Variants in PCDHB13 observed in about 807,000 individuals in gnomAD.
PCDHB13 encodes protocadherin beta 13.
For missense variants in PCDHB13, 1,065 were observed against 1,016.7 expected, an observed-to-expected ratio of 1.05 and a Z score of -0.65; for synonymous variants, 515 against 450.7, an observed-to-expected ratio of 1.14 and a Z score of -1.81.
rs1472565449 is a variant in PCDHB13 at position 141,214,155 on chromosome 5, A to G, written c.32A>G (p.Gln11Arg). The change falls in exon 1 of 1, where the codon CAA becomes CGA. Residue 11 changes from glutamine (Q) to arginine (R), a missense_variant. By Grantham distance (43) the Gln-to-Arg change is conservative. Coordinates refer to ENST00000341948, the MANE Select transcript of PCDHB13 (RefSeq NM_018933.4). The part of the protein sequence containing the change: MEASGKLICR[Q>R]RQVLFSFLLL... ...GCCAGCGGGAAGCTCATTTGCAGAC[A>G]AAGGCAAGTCCTTTTTTCCTTTCTC... The G allele has an allele frequency of 3.1e-6, 5 of 1,613,864 alleles. No individual in the cohort carries two copies. Among genetic ancestry groups the G allele is most frequent in the Admixed American group, 3.3e-5 (2 of 59,988 alleles).
At position 141,215,556 on chromosome 5, in the gene PCDHB13, G is replaced by A. The variant is rs868934710; in HGVS notation, c.1433G>A (p.Arg478Lys). Reference sequence around the variant, plus strand: ...ATCCGCAGCGTCAGCGCTACAGACAGAGACTCAGGCACCAACGCCCAGGTC... The same window carrying A: ...ATCCGCAGCGTCAGCGCTACAGACAAAGACTCAGGCACCAACGCCCAGGTC... ...LHIRSVSATDRDSGTNAQVTY... is the reference protein window; with the variant it reads ...LHIRSVSATDKDSGTNAQVTY... The change falls in exon 1 of 1, where the codon AGA becomes AAA. Residue 478 changes from arginine (R) to lysine (K), a missense_variant. Arg to Lys is a conservative substitution (Grantham distance 26). Transcript: ENST00000341948. The A allele has an allele frequency of 6.2e-7, 1 of 1,613,734 alleles. No individual in the cohort carries two copies.
chr5:141,218,914 C>A lies in PCDHB13; in HGVS notation c.*2394C>A, dbSNP rs1423860017. On this transcript the variant is annotated 3_prime_UTR_variant, in exon 1 of 1. Transcript: ENST00000341948. ...GTGGAGTGGGAAAGAGTAGTTCAAACAACTCAGACAGAAAATCTCGCTGGT... is the reference window on the plus strand; with the variant it reads ...GTGGAGTGGGAAAGAGTAGTTCAAAAAACTCAGACAGAAAATCTCGCTGGT... 1 of 166,956 alleles carries A rather than the reference C, an allele frequency of 6.0e-6. No individual in the cohort carries two copies. Among genetic ancestry groups the A allele is most frequent in the Non-Finnish European group, 1.5e-5 (1 of 68,156 alleles). The allele number at this position is 166,956 out of a possible 1,614,324, so 10.3% of individuals were successfully genotyped here. A position where few individuals can be genotyped will look rare whatever the true frequency, so the allele number is the denominator to read the frequency against.
chr5:141,216,503 G>T lies in PCDHB13; in HGVS notation c.2380G>T (p.Gly794Trp). The change falls in exon 1 of 1, where the codon GGG becomes TGG. Residue 794 changes from glycine (G) to tryptophan (W), a missense_variant. Coordinates refer to ENST00000341948, the MANE Select transcript of PCDHB13 (RefSeq NM_018933.4). ...QGNSTFPNNF[G>W]FNIQ The stretch of plus-strand genomic sequence containing the variant: ...AAATTCTACCTTCCCCAATAACTTT[G>T]GGTTCAATATTCAGTGACCATAGTT... 2 of 1,613,584 alleles carry T rather than the reference G, an allele frequency of 1.2e-6. No homozygotes were observed. Among genetic ancestry groups the T allele is most frequent in the South Asian group, 2.2e-5 (2 of 90,962 alleles).
rs1436861697 is a variant in PCDHB13 at position 141,218,500 on chromosome 5, G to A, written c.*1980G>A. 4 of 155,146 alleles carry A rather than the reference G, an allele frequency of 2.6e-5. No homozygotes were observed. Among genetic ancestry groups the A allele is most frequent in the Non-Finnish European group, 5.9e-5 (4 of 68,136 alleles). 9.6% of individuals were successfully genotyped at this position (155,146 alleles called of 1,614,324 possible). A position where few individuals can be genotyped will look rare whatever the true frequency, so the allele number is the denominator to read the frequency against. ...GTCACCTAGGCTGGAGTGCAGTGGT[G>A]CAATCATAGCTCACTGAAGCCTTGA... On this transcript the variant is annotated 3_prime_UTR_variant, in exon 1 of 1. Coordinates refer to ENST00000341948, the MANE Select transcript of PCDHB13 (RefSeq NM_018933.4).
At position 141,214,859 on chromosome 5, in the gene PCDHB13, C is replaced by A; in HGVS notation, c.736C>A (p.Pro246Thr). ...CGATAATGCCCCTGAATTTGAGCAGCCTTTCTATAGAGTGCAGATCTCTGA... is the reference window on the plus strand; with the variant it reads ...CGATAATGCCCCTGAATTTGAGCAGACTTTCTATAGAGTGCAGATCTCTGA... ...VNDNAPEFEQ[P>T]FYRVQISEDS... The change falls in exon 1 of 1, where the codon CCT (proline) becomes ACT (threonine). Residue 246 changes from proline (P) to threonine (T), a missense_variant. By Grantham distance (38) the Pro-to-Thr change is conservative. Transcript: ENST00000341948. The A allele has an allele frequency of 1.2e-6, 2 of 1,614,180 alleles. No homozygotes were observed. The highest frequency in any genetic ancestry group is 1.3e-5 in the African/African-American group (1 of 75,044).
At position 141,216,155 on chromosome 5, in the gene PCDHB13, C is replaced by A; in HGVS notation, c.2032C>A (p.Pro678Thr). Residue 678 changes from proline (P) to threonine (T), a missense_variant, in exon 1 of 1, where the codon CCG (proline) becomes ACG (threonine). Coordinates refer to ENST00000341948, the MANE Select transcript of PCDHB13 (RefSeq NM_018933.4). ...QPYLPLPEAA[P>T]TQAQADLLTV... Reference sequence around the variant, plus strand: ...CTACCTGCCTCTCCCGGAGGCGGCCCCGACCCAGGCCCAGGCCGACTTGCT... The same window carrying A: ...CTACCTGCCTCTCCCGGAGGCGGCCACGACCCAGGCCCAGGCCGACTTGCT... 6.2e-7 allele frequency: 1 copy of A among 1,611,810 alleles called. No individual in the cohort carries two copies. The highest frequency in any genetic ancestry group is 8.5e-7 in the Non-Finnish European group (1 of 1,179,804).
chr5:141,218,420 G>A lies in PCDHB13; in HGVS notation c.*1900G>A, dbSNP rs1754661427. ...GGTTCTGTTGAGCTTTGTCAACTGA[G>A]TAATTATTCTTTTCTTTTTTCTTTC... On this transcript the variant is annotated 3_prime_UTR_variant, in exon 1 of 1. Coordinates refer to ENST00000341948, the MANE Select transcript of PCDHB13 (RefSeq NM_018933.4). The A allele has an allele frequency of 6.0e-6, 1 of 166,754 alleles. No homozygotes were observed. Among genetic ancestry groups the A allele is most frequent in the Admixed American group, 6.5e-5 (1 of 15,268 alleles). The allele number at this position is 166,754 out of a possible 1,614,324, so 10.3% of individuals were successfully genotyped here.
chr5:141,214,127 G>A lies in PCDHB13; in HGVS notation c.4G>A (p.Glu2Lys), dbSNP rs781835183. M[E>K]ASGKLICRQR... ...GAAGCTGAATCCAGCAAGAACAATG[G>A]AGGCCAGCGGGAAGCTCATTTGCAG... Residue 2 changes from glutamate to lysine, a missense_variant, in exon 1 of 1, where the codon GAG (glutamate) becomes AAG (lysine). By Grantham distance (56) the Glu-to-Lys change is moderately conservative. Coordinates refer to ENST00000341948, the MANE Select transcript of PCDHB13 (RefSeq NM_018933.4). 1.2e-6 allele frequency: 2 copies of A among 1,614,110 alleles called. No individual in the cohort carries two copies. Among genetic ancestry groups the A allele is most frequent in the Admixed American group, 1.7e-5 (1 of 60,016 alleles).
chr5:141,214,554 CAG>C lies in PCDHB13; in HGVS notation c.436_437del (p.Ser146GlnfsTer23), dbSNP rs1754535575. Reference sequence around the variant, plus strand: ...GACAAACAAATGTTGGTGAAAGTATCAGAGAGCAGTCCTCCTGGGACTACGTT... The same window carrying C: ...GACAAACAAATGTTGGTGAAAGTATCAGAGCAGTCCTCCTGGGACTACGTT... On this transcript the variant is annotated frameshift_variant, in exon 1 of 1. Coordinates refer to ENST00000341948, the MANE Select transcript of PCDHB13 (RefSeq NM_018933.4). LOFTEE classifies it low-confidence loss of function (END_TRUNC). 6.2e-7 allele frequency: 1 copy of C among 1,613,960 alleles called. No homozygotes were observed. The highest frequency in any genetic ancestry group is 1.7e-5 in the Admixed American group (1 of 60,000).
At position 141,215,408 on chromosome 5, in the gene PCDHB13, C is replaced by T. The variant is rs868963050; in HGVS notation, c.1285C>T (p.Pro429Ser). The T allele has an allele frequency of 6.2e-7, 1 of 1,614,162 alleles. No homozygotes were observed. The highest frequency in any genetic ancestry group is 8.5e-7 in the Non-Finnish European group (1 of 1,180,026). ...TATCACTGTCACTGACTTGGGGACC[C>T]CTATGCTGATAACACAGCTCAATAT... ...ITITVTDLGT[P>S]MLITQLNMTV... Residue 429 changes from proline to serine, a missense_variant, in exon 1 of 1, where the codon CCT becomes TCT. Transcript: ENST00000341948.
rs782708385 is a variant in PCDHB13, at chr5:141,216,286, G to T, written c.2163G>T (p.Ser721=). The part of the protein sequence containing the change: ...VRLCRRSRAA[S]VGRCLVPEGP... Reference sequence around the variant, plus strand: ...TGTGTAGGAGGAGCAGGGCGGCCTCGGTGGGTCGCTGCTTGGTGCCCGAGG... The same window carrying T: ...TGTGTAGGAGGAGCAGGGCGGCCTCTGTGGGTCGCTGCTTGGTGCCCGAGG... The change falls in exon 1 of 1, where the codon TCG becomes TCT. Residue 721 remains serine (S), a synonymous_variant. Transcript: ENST00000341948. 2.7e-5 allele frequency: 43 copies of T among 1,613,812 alleles called. No homozygotes were observed. The highest frequency in any genetic ancestry group is 3.6e-5 in the Non-Finnish European group (42 of 1,180,018).
rs1754609681 is a variant in PCDHB13 at position 141,216,268 on chromosome 5, G to C, written c.2145G>C (p.Arg715Ser). ...VLLFVAVRLCRRSRAASVGRC... is the reference protein window; with the variant it reads ...VLLFVAVRLCSRSRAASVGRC... Reference sequence around the variant, plus strand: ...TGTTCGTGGCGGTGCGGCTGTGTAGGAGGAGCAGGGCGGCCTCGGTGGGTC... The same window carrying C: ...TGTTCGTGGCGGTGCGGCTGTGTAGCAGGAGCAGGGCGGCCTCGGTGGGTC... The change falls in exon 1 of 1, where the codon AGG becomes AGC. Residue 715 changes from arginine (R) to serine (S), a missense_variant. Coordinates refer to ENST00000341948, the MANE Select transcript of PCDHB13 (RefSeq NM_018933.4). 1 of 1,613,766 alleles carries C rather than the reference G, an allele frequency of 6.2e-7. No individual in the cohort carries two copies.
Position 141,215,368 on chromosome 5 carries a change from G to A in PCDHB13, c.1245G>A (p.Ala415=), listed in dbSNP as rs781849557. 2.5e-6 allele frequency: 4 copies of A among 1,614,100 alleles called. No homozygotes were observed. The highest frequency in any genetic ancestry group is 3.4e-6 in the Non-Finnish European group (4 of 1,180,028). Reference sequence around the variant, plus strand: ...GACCACTAGACAGAGAAAGCAGAGCGGAATACAACATCACTATCACTGTCA... The same window carrying A: ...GACCACTAGACAGAGAAAGCAGAGCAGAATACAACATCACTATCACTGTCA... ...TERPLDRESR[A]EYNITITVTD... Residue 415 remains alanine, a synonymous_variant, in exon 1 of 1, where the codon GCG becomes GCA. Coordinates refer to ENST00000341948, the MANE Select transcript of PCDHB13 (RefSeq NM_018933.4).
rs1754516140 is a variant in PCDHB13 at position 141,214,101 on chromosome 5, G to A, written c.-23G>A. Reference sequence around the variant, plus strand: ...ACAGTCCCACAGAACCGTCCTCCCAGGAAGCTGAATCCAGCAAGAACAATG... The same window carrying A: ...ACAGTCCCACAGAACCGTCCTCCCAAGAAGCTGAATCCAGCAAGAACAATG... On this transcript the variant is annotated 5_prime_UTR_variant, in exon 1 of 1. Coordinates refer to ENST00000341948, the MANE Select transcript of PCDHB13 (RefSeq NM_018933.4). 6.2e-7 allele frequency: 1 copy of A among 1,614,148 alleles called. No individual in the cohort carries two copies. Among genetic ancestry groups the A allele is most frequent in the Non-Finnish European group, 8.5e-7 (1 of 1,180,014 alleles).
chr5:141,218,454 T>C lies in PCDHB13; in HGVS notation c.*1934T>C. On this transcript the variant is annotated 3_prime_UTR_variant, in exon 1 of 1. Transcript: ENST00000341948. ...CTTTTCTTTTTTCTTTCTTTGTTTA[T>C]GTTTTAGAGACAGGGTCTTAGTCAC... 1 of 164,090 alleles carries C rather than the reference T, an allele frequency of 6.1e-6. No individual in the cohort carries two copies. The allele number at this position is 164,090 out of a possible 1,614,324, so 10.2% of individuals were successfully genotyped here.
Position 141,215,931 on chromosome 5 carries a change from C to T in PCDHB13, c.1808C>T (p.Ser603Leu), listed in dbSNP as rs782296190. The change falls in exon 1 of 1, where the codon TCG becomes TTG. Residue 603 changes from serine to leucine, a missense_variant. Physicochemically the swap from Ser to Leu is moderately radical, Grantham distance 145. Coordinates refer to ENST00000341948, the MANE Select transcript of PCDHB13 (RefSeq NM_018933.4). ...GACTCGGGCCAGAACGCCTGGCTGT[C>T]GTACCAGCTGCTCAAGGCCACGGAG... ...DGDSGQNAWL[S>L]YQLLKATELG... is the part of the protein sequence containing the mutation. 4.4e-6 allele frequency: 7 copies of T among 1,606,856 alleles called. No homozygotes were observed. In the East Asian group the frequency reaches 1.3e-4, roughly 31 times the overall value.
chr5:141,216,762 T>C lies in PCDHB13; in HGVS notation c.*242T>C. ...ATTAATTTGCCTCCCTAAAGAGCAA[T>C]ACCAAATCACATTTTTTTCATGCCC... On this transcript the variant is annotated 3_prime_UTR_variant, in exon 1 of 1. Transcript: ENST00000341948. 1 of 571,904 alleles carries C rather than the reference T, an allele frequency of 1.7e-6. No individual in the cohort carries two copies. Among genetic ancestry groups the C allele is most frequent in the East Asian group, 3.3e-5 (1 of 29,976 alleles). 35.4% of individuals were successfully genotyped at this position (571,904 alleles called of 1,614,324 possible). A position where few individuals can be genotyped will look rare whatever the true frequency, so the allele number is the denominator to read the frequency against.
In PCDHB13 at chr5:141,214,573, G is replaced by A; in HGVS notation, c.450G>A (p.Gly150=). 3.1e-6 allele frequency: 5 copies of A among 1,614,176 alleles called. No homozygotes were observed. The highest frequency in any genetic ancestry group is 4.2e-6 in the Non-Finnish European group (5 of 1,180,038). The change falls in exon 1 of 1, where the codon GGG becomes GGA. Residue 150 remains glycine, a synonymous_variant. Coordinates refer to ENST00000341948, the MANE Select transcript of PCDHB13 (RefSeq NM_018933.4). ...LVKVSESSPP[G]TTFPLKNAED... is the part of the protein sequence containing the mutation. ...AAGTATCAGAGAGCAGTCCTCCTGGGACTACGTTTCCTCTGAAGAATGCCG... is the reference window on the plus strand; with the variant it reads ...AAGTATCAGAGAGCAGTCCTCCTGGAACTACGTTTCCTCTGAAGAATGCCG...
At position 141,215,771 on chromosome 5, in the gene PCDHB13, G is replaced by A. The variant is rs56309578; in HGVS notation, c.1648G>A (p.Val550Met). The A allele has an allele frequency of 1.9e-6, 3 of 1,611,712 alleles. No individual in the cohort carries two copies. The highest frequency in any genetic ancestry group is 3.3e-5 in the Admixed American group (2 of 59,974). ...GAGCAGCGAGGCGCTGGTGCGCGTGGTGGTGCTGGACGCCAACGACAACTC... is the reference window on the plus strand; with the variant it reads ...GAGCAGCGAGGCGCTGGTGCGCGTGATGGTGCTGGACGCCAACGACAACTC... ...ALSSEALVRV[V>M]VLDANDNSPF... The change falls in exon 1 of 1, where the codon GTG becomes ATG. Residue 550 changes from valine (V) to methionine (M), a missense_variant. Val to Met is a conservative substitution (Grantham distance 21). Transcript: ENST00000341948.
Sources: gnomAD v4.1 joint callset for allele counts on GRCh38, gnomAD v4.1.1 for gene constraint, MANE v1.5 for transcripts, NCBI Gene and HGNC (gene_info 2026-07-23, HGNC 2026-07-21) for gene names.